The following ADGRG7 variants were observed in gnomAD, a reference collection of about 807,000 sequenced individuals.
The protein encoded by ADGRG7 is G-protein coupled receptor 128.
A neutral mutation model predicts 88.6 loss-of-function variants in ADGRG7; 82 were observed. The observed-to-expected ratio is 0.93, with a 90% CI of 0.77 to 1.11. The LOEUF is 1.11. Ranked by LOEUF, ADGRG7 falls within the 50% of genes most tolerant of loss-of-function variation. The pLI, the probability that ADGRG7 is intolerant of heterozygous loss-of-function variation, is 0.00. For synonymous variants in ADGRG7, 381 were observed against 345.2 expected (o/e 1.10, Z -1.15); for missense variants, 945 against 953.4 (o/e 0.99, Z 0.12).
intron 15 of ADGRG7, among the ~76,000 whole-genome samples, chr3:100,676,180 T>C (rs2094965084): frequency 6.6e-6 from 1 of 152,174 alleles, no homozygotes; most frequent in South Asian, 2.1e-4. Flanking sequence ...TTCCTTAAGA[T>C]GCATCATTAG....
intron 5 of ADGRG7, among the ~76,000 whole-genome samples, chr3:100,637,038 T>A (rs1707555348): frequency 6.6e-6 from 1 of 152,212 alleles, no homozygotes; most frequent in African/African-American, 2.4e-5. Flanking sequence ...GGGGAGTCTG[T>A]GAAAGATCTT....
chr3:100,637,179 G>A, intron 5 of ADGRG7, 123 bp from the exon 6 acceptor site: 1 of 645,778 alleles, frequency 1.5e-6, no homozygotes, highest in Non-Finnish European at 2.7e-6. Context: ...TTTGTAAAAT[G>A]CTTCCCTCTA....
In ADGRG7 at chr3:100,663,102, T is replaced by C. The variant is rs114375830; in HGVS notation, c.1979+3259T>C. On this transcript the variant is annotated intron_variant, in intron 14 of 15. Transcript: ENST00000273352. ...GGCAAGCTCAAAAAAGCATGGTTTA[T>C]CACAGCTCTTAGCTCCTGTTAAAGA... 3.4e-3 allele frequency among the ~76,000 whole-genome samples: 515 copies of C among 152,230 alleles called. 5 individuals are homozygous for C. The highest frequency in any genetic ancestry group is 4.9e-3 in the Non-Finnish European group (336 of 67,954).
intron 1 of ADGRG7, among the ~76,000 whole-genome samples, chr3:100,611,249 T>TTCTTTCCC (rs1180058802): frequency 5.4e-3 from 117 of 21,646 alleles, no homozygotes; most frequent in Admixed American, 0.023. Flanking sequence ...TTGTTTTTCC[T>TTCTTTCCC]TCCTTCCTTC....
At chr3:100,648,830 CTA>C (rs1707801135) in intron 10 of ADGRG7, among the ~76,000 whole-genome samples, 2 of 152,018 alleles carry the variant, frequency 1.3e-5, no homozygotes, top group Admixed American at 1.3e-4. Flanking sequence ...GCAAAATGAA[CTA>C]TACATATCCA....
chr3:100,618,596 A>G (rs1228829426), intron 1 of ADGRG7, among the ~76,000 whole-genome samples: 1 of 152,150 alleles, frequency 6.6e-6, no homozygotes, highest in Non-Finnish European at 1.5e-5. Context: ...TGGTACCAGT[A>G]CCATGCTGTT....
intron 6 of ADGRG7, among the ~76,000 whole-genome samples, chr3:100,641,731 G>A (rs1406030243): frequency 6.6e-6 from 1 of 152,208 alleles, no homozygotes; most frequent in Non-Finnish European, 1.5e-5. Context: ...GAGGATCCAA[G>A]GCAGCTTTGG....
In ADGRG7 at chr3:100,683,973, T is replaced by A. The variant is rs139856447; in HGVS notation, c.2137-10771T>A. On this transcript the variant is annotated intron_variant, in intron 15 of 15. Transcript: ENST00000273352. ...CTTTATACAATTCAATGCTGCATTA[T>A]CATGTTCCTGGAAATTTATGGATAT... Among the ~76,000 whole-genome samples, 1,066 of 152,328 alleles carry A rather than the reference T, an allele frequency of 7.0e-3. 16 individuals are homozygous for A. The highest frequency in any genetic ancestry group is 0.024 in the African/African-American group (1,012 of 41,566).
intron 1 of ADGRG7, among the ~76,000 whole-genome samples, chr3:100,624,117 T>A (rs745566954): frequency 6.6e-4 from 100 of 152,250 alleles, no homozygotes; most frequent in Non-Finnish European, 4.7e-4. Context: ...TTGCCACACT[T>A]TCTTCCAGAA....
intron 5 of ADGRG7, 33 bp from the exon 6 acceptor site, chr3:100,637,269 C>A: frequency 7.4e-7 from 1 of 1,343,002 alleles, no homozygotes; most frequent in Non-Finnish European, 1.1e-6. Flanking sequence ...ATGATATATG[C>A]TTCTCTGATG....
chr3:100,687,477 A>C (rs1340307493), intron 15 of ADGRG7, among the ~76,000 whole-genome samples: 1 of 152,150 alleles, frequency 6.6e-6, no homozygotes, highest in Admixed American at 6.5e-5. Flanking sequence ...GAATGCTTCC[A>C]GTTTTTGCCC....
chr3:100,618,718 T>A (rs1707262309), intron 1 of ADGRG7, among the ~76,000 whole-genome samples: 2 of 152,182 alleles, frequency 1.3e-5, no homozygotes, highest in South Asian at 4.1e-4. Context: ...TTTGGTTCCG[T>A]ATGAACTTTA....
Position 100,619,427 on chromosome 3 carries a change from T to G in ADGRG7, c.115+9456T>G, listed in dbSNP as rs1406174283. Among the ~76,000 whole-genome samples, 48 of 151,706 alleles carry G rather than the reference T, an allele frequency of 3.2e-4. 1 individual carries two copies. Among genetic ancestry groups the G allele is most frequent in the South Asian group, 1.3e-3 (6 of 4,800 alleles). On this transcript the variant is annotated intron_variant, in intron 1 of 15. Coordinates refer to ENST00000273352, the MANE Select transcript of ADGRG7 (RefSeq NM_032787.3). ...AAAGCAGTGTGTAGAGGGAAATTTA[T>G]AGCACTAAATGCCCACAAGAGAAAG...
intron 15 of ADGRG7, among the ~76,000 whole-genome samples, chr3:100,684,616 A>T (rs1339848240): frequency 6.6e-6 from 1 of 152,128 alleles, no homozygotes; most frequent in Non-Finnish European, 1.5e-5. Context: ...ATTTAGTTAA[A>T]TAGTAGCTAT....
At chr3:100,611,765 G>A (rs1559667098) in intron 1 of ADGRG7, among the ~76,000 whole-genome samples, 1 of 152,240 alleles carries the variant, frequency 6.6e-6, no homozygotes, top group African/African-American at 2.4e-5. Flanking sequence ...AAGAAAAAGA[G>A]TGAAAGACTG....
chr3:100,669,215 G>T, intron 15 of ADGRG7, 110 bp downstream of exon 15: 1 of 809,802 alleles, frequency 1.2e-6, no homozygotes, highest in Non-Finnish European at 1.8e-6. Context: ...GGCCAGGCGC[G>T]GTGGCTCACG....
At chr3:100,616,332 C>T (rs1676347) in intron 1 of ADGRG7, among the ~76,000 whole-genome samples, 23 of 152,032 alleles carry the variant, frequency 1.5e-4, no homozygotes, top group African/African-American at 4.8e-4. Context: ...ATAACAAAAC[C>T]ATCTGAAAGA....
At chr3:100,614,385 C>A (rs975561350) in intron 1 of ADGRG7, among the ~76,000 whole-genome samples, 1 of 151,990 alleles carries the variant, frequency 6.6e-6, no homozygotes, top group Non-Finnish European at 1.5e-5. Flanking sequence ...TCATGCATAC[C>A]AAAGTATAAT....
intron 14 of ADGRG7, among the ~76,000 whole-genome samples, chr3:100,666,338 C>T (rs944462809): frequency 2.0e-5 from 3 of 152,060 alleles, no homozygotes; most frequent in East Asian, 1.9e-4. Flanking sequence ...GGTGTTTCTC[C>T]GAGAGAGGGA....
Sources: gnomAD v4.1 joint callset for allele counts (sites outside exome capture counted in the v4.1 genomes callset) on GRCh38, gnomAD v4.1.1 for gene constraint, MANE v1.5 for transcripts, NCBI Gene and HGNC (gene_info 2026-07-23, HGNC 2026-07-21) for gene names.